CRYBG1: variants seen among roughly 807,000 people sequenced by gnomAD.
CRYBG1 encodes the protein beta/gamma crystallin domain-containing protein 1.
Under a neutral mutation model 189.2 loss-of-function variants are expected in CRYBG1, and 139 were observed. The observed-to-expected ratio is 0.73, with a 90% confidence interval of 0.64 to 0.85. CRYBG1 has a LOEUF of 0.85. Ranked by LOEUF, CRYBG1 falls within the 40% of genes least tolerant of loss-of-function variation. The probability of loss-of-function intolerance (pLI) is 0.00; values close to 1 mark genes in which losing one functional copy is unlikely to be tolerated. For synonymous variants in CRYBG1, 1,023 were observed against 1,017.1 expected, an observed-to-expected ratio of 1.01 and a Z score of -0.11; for missense variants, 2,611 against 2,675.8, an observed-to-expected ratio of 0.98 and a Z score of 0.53.
At chr6:106,430,595 CA>C in intron 1 of CRYBG1, among the ~76,000 whole-genome samples, 1 of 152,254 alleles carries the variant, frequency 6.6e-6, no homozygotes, top group Middle Eastern at 3.4e-3. Flanking sequence ...CCTACAGTCA[CA>C]TGCCTGATGC....
chr6:106,512,100 C>T lies in CRYBG1; in HGVS notation c.983C>T (p.Pro328Leu). Reference protein sequence around the residue: ...SVCAEEGSLGPRNARSQPPKG... With the variant: ...SVCAEEGSLGLRNARSQPPKG... ...TGTGCCGAAGAAGGCTCCCTGGGGC[C>T]CCGCAACGCCCGCAGCCAGCCCCCC... The change falls in exon 3 of 22, where the codon CCC becomes CTC. Residue 328 changes from proline to leucine, a missense_variant. Transcript: ENST00000633556. The T allele has an allele frequency of 6.5e-7, 1 of 1,534,408 alleles. No homozygotes were observed. The highest frequency in any genetic ancestry group is 8.7e-7 in the Non-Finnish European group (1 of 1,146,216).
chr6:106,458,073 T>C (rs76508941), intron 2 of CRYBG1, among the ~76,000 whole-genome samples: 1,957 of 152,378 alleles, frequency 0.013, 37 homozygotes, highest in African/African-American at 0.044. Context: ...TTTAATACTT[T>C]TATTTTTGAG....
intron 1 of CRYBG1, among the ~76,000 whole-genome samples, chr6:106,361,701 T>A (rs1236571799): frequency 6.6e-6 from 1 of 152,218 alleles, no homozygotes; most frequent in Non-Finnish European, 1.5e-5. Context: ...TGCTTTTTGA[T>A]TTTTATCATG....
rs114759236 is a variant in CRYBG1 at position 106,430,727 on chromosome 6, C to T, written c.174-20967C>T. On this transcript the variant is annotated intron_variant, in intron 1 of 21. Transcript: ENST00000633556. ...AGTTTCTTCCCATATTATCTCGTGG[C>T]CTTTCCCTCTCCATGGGGCGTCTGT... Among the ~76,000 whole-genome samples the T allele has an allele frequency of 5.1e-3, 771 of 152,110 alleles. 5 individuals are homozygous for T. Among genetic ancestry groups the T allele is most frequent in the African/African-American group, 0.018 (727 of 41,496 alleles).
At chr6:106,419,825 A>T (rs77232005) in intron 1 of CRYBG1, among the ~76,000 whole-genome samples, 3,234 of 152,324 alleles carry the variant, frequency 0.021, 110 homozygotes, top group African/African-American at 0.065. Context: ...CAGGAAAAAA[A>T]TCATCTGAGC....
At chr6:106,395,561 GTAT>G (rs1163286879) in intron 1 of CRYBG1, among the ~76,000 whole-genome samples, 3 of 151,598 alleles carry the variant, frequency 2.0e-5, no homozygotes, top group Non-Finnish European at 4.4e-5. Context: ...TTGTTATATA[GTAT>G]TATTATTTTT....
intron 2 of CRYBG1, among the ~76,000 whole-genome samples, chr6:106,473,909 T>A (rs1562316750): frequency 6.6e-6 from 1 of 152,254 alleles, no homozygotes; most frequent in Non-Finnish European, 1.5e-5. Flanking sequence ...AACATGTATT[T>A]ACTTACTCAC....
At chr6:106,552,529 G>A (rs2114585972) in intron 15 of CRYBG1, among the ~76,000 whole-genome samples, 1 of 137,708 alleles carries the variant, frequency 7.3e-6, no homozygotes, top group East Asian at 2.2e-4. Context: ...AGATGTTGGA[G>A]TGAGCCGAGA....
intron 1 of CRYBG1, among the ~76,000 whole-genome samples, chr6:106,383,030 G>A (rs1020459626): frequency 1.3e-5 from 2 of 152,134 alleles, no homozygotes; most frequent in Non-Finnish European, 2.9e-5. Context: ...TCCACAAAAG[G>A]CAAGTAAGTA....
At chr6:106,410,588 A>G (rs58120757) in intron 1 of CRYBG1, among the ~76,000 whole-genome samples, 1,900 of 152,326 alleles carry the variant, frequency 0.012, 33 homozygotes, top group African/African-American at 0.043. Context: ...TGTTTATTGC[A>G]GCACTATTCA....
chr6:106,512,254 C>A lies in CRYBG1; in HGVS notation c.1137C>A (p.Asp379Glu). ...ACCCTGCTAAGGTGCTAACTTTGGACATCTACTTGAGTAAGACTGAGGGGG... is the reference window on the plus strand; with the variant it reads ...ACCCTGCTAAGGTGCTAACTTTGGAAATCTACTTGAGTAAGACTGAGGGGG... ...HAHPAKVLTL[D>E]IYLSKTEGAQ... is the part of the protein sequence containing the mutation. The change falls in exon 3 of 22, where the codon GAC (aspartate) becomes GAA (glutamate). Residue 379 changes from aspartate (D) to glutamate (E), a missense_variant. By Grantham distance (45) the Asp-to-Glu change is conservative. Transcript: ENST00000633556. 13 of 1,551,248 alleles carry A rather than the reference C, an allele frequency of 8.4e-6. No homozygotes were observed. The highest frequency in any genetic ancestry group is 1.1e-5 in the Non-Finnish European group (13 of 1,152,200).
chr6:106,390,836 C>G (rs1770485246), intron 1 of CRYBG1, among the ~76,000 whole-genome samples: 1 of 152,002 alleles, frequency 6.6e-6, no homozygotes, highest in Non-Finnish European at 1.5e-5. Flanking sequence ...TGGGTTATTT[C>G]TAGTTTTTTA....
intron 1 of CRYBG1, among the ~76,000 whole-genome samples, chr6:106,375,411 AAG>A (rs1562289747): frequency 1.5e-4 from 21 of 137,784 alleles, no homozygotes; most frequent in African/African-American, 6.2e-4. Context: ...GTAAGTAAGT[AAG>A]TAAGTAAGTA....
chr6:106,400,372 T>C (rs539953729), intron 1 of CRYBG1, among the ~76,000 whole-genome samples: 1 of 152,332 alleles, frequency 6.6e-6, no homozygotes, highest in South Asian at 2.1e-4. Context: ...GACAATGCCC[T>C]TTTTTCTTTA....
In CRYBG1 at chr6:106,519,663, G is replaced by C. The variant is rs1314404368; in HGVS notation, c.2455G>C (p.Glu819Gln). 1.2e-6 allele frequency: 2 copies of C among 1,614,012 alleles called. No homozygotes were observed. Among genetic ancestry groups the C allele is most frequent in the South Asian group, 2.2e-5 (2 of 91,092 alleles). ...TAAGCTCTTAGAGAAGGAGGACTCAGAGGCTGCAGACAGCAAAAGCCTTGT... is the reference window on the plus strand; with the variant it reads ...TAAGCTCTTAGAGAAGGAGGACTCACAGGCTGCAGACAGCAAAAGCCTTGT... ...DHKLLEKEDS[E>Q]AADSKSLVLE... The change falls in exon 4 of 22, where the codon GAG (glutamate) becomes CAG (glutamine). Residue 819 changes from glutamate (E) to glutamine (Q), a missense_variant. Transcript: ENST00000633556.
intron 1 of CRYBG1, among the ~76,000 whole-genome samples, chr6:106,368,773 T>G (rs1159907325): frequency 1.3e-5 from 2 of 152,132 alleles, no homozygotes; most frequent in Admixed American, 6.6e-5. Flanking sequence ...TTGCTAATTA[T>G]TCAGCCAGTA....
chr6:106,478,199 G>A (rs980342144), intron 2 of CRYBG1, among the ~76,000 whole-genome samples: 5 of 152,332 alleles, frequency 3.3e-5, no homozygotes, highest in Admixed American at 6.5e-5. Context: ...CCACATCAAA[G>A]CTGTTCAATA....
chr6:106,435,218 C>T (rs1448589015), intron 1 of CRYBG1, among the ~76,000 whole-genome samples: 1 of 152,084 alleles, frequency 6.6e-6, no homozygotes, highest in African/African-American at 2.4e-5. Context: ...CTCTGTCAAC[C>T]AGGATGGTGT....
rs1411397650 is a variant in CRYBG1, at chr6:106,520,692, G to A, written c.3484G>A (p.Gly1162Arg). ...FDPKVFTFGL[G>R]KKKESQPEMS... is the part of the protein sequence containing the mutation. Reference sequence around the variant, plus strand: ...TCCCAAAGTGTTTACCTTTGGTTTGGGGAAGAAGAAGGAAAGTCAGCCAGA... The same window carrying A: ...TCCCAAAGTGTTTACCTTTGGTTTGAGGAAGAAGAAGGAAAGTCAGCCAGA... The change falls in exon 4 of 22, where the codon GGG becomes AGG. Residue 1162 changes from glycine to arginine, a missense_variant. Gly to Arg is a moderately radical substitution (Grantham distance 125, BLOSUM62 -2). This residue lies in a region of CRYBG1 where 1,622 missense variants were observed against 1,735.0 expected (regional missense o/e 0.93). Coordinates refer to ENST00000633556, the MANE Select transcript of CRYBG1 (RefSeq NM_001371242.2). The A allele has an allele frequency of 1.2e-6, 2 of 1,613,984 alleles. No individual in the cohort carries two copies. The highest frequency in any genetic ancestry group is 1.3e-5 in the African/African-American group (1 of 74,872).
Sources: allele counts gnomAD v4.1 joint callset (sites outside exome capture counted in the v4.1 genomes callset), GRCh38; gene constraint gnomAD v4.1.1; regional missense constraint gnomAD v4.1.1; transcripts MANE v1.5; gene names NCBI Gene and HGNC (gene_info 2026-07-23, HGNC 2026-07-21).